ZC3HAV1: variants seen among roughly 807,000 people sequenced by gnomAD.
ZC3HAV1 encodes the protein zinc finger CCCH-type antiviral protein 1.
ZC3HAV1 carries 41 observed loss-of-function variants against 86.6 expected under a neutral mutation model. The ratio of observed to expected loss-of-function variants is 0.47; its 90% CI spans 0.37 to 0.61. ZC3HAV1 has a LOEUF of 0.61. Ranked by LOEUF, ZC3HAV1 falls within the 20% of genes least tolerant of loss-of-function variation. The pLI, the probability that ZC3HAV1 is intolerant of heterozygous loss-of-function variation, is 0.00. For synonymous variants in ZC3HAV1, 421 were observed against 432.1 expected (o/e 0.97, Z 0.32); for missense variants, 964 against 1,141.1 (o/e 0.84, Z 2.24).
In ZC3HAV1 at chr7:139,047,589, C is replaced by T. The variant is rs773346970; in HGVS notation, c.*5G>A. Reference sequence around the variant, plus strand: ...GGCATCCTTCTGACGCTGTATTCATCGGTTCTAACTAATCACGCAGGCTTT... The same window carrying T: ...GGCATCCTTCTGACGCTGTATTCATTGGTTCTAACTAATCACGCAGGCTTT... On this transcript the variant is annotated 3_prime_UTR_variant, in exon 13 of 13. Coordinates refer to ENST00000242351, the MANE Select transcript of ZC3HAV1 (RefSeq NM_020119.4). 1.9e-5 allele frequency: 30 copies of T among 1,613,754 alleles called. No individual in the cohort carries two copies. Among genetic ancestry groups the T allele is most frequent in the Non-Finnish European group, 2.5e-5 (29 of 1,179,972 alleles).
chr7:139,098,121 T>C (rs1173734322), intron 1 of ZC3HAV1, among the ~76,000 whole-genome samples: 1 of 152,030 alleles, frequency 6.6e-6, no homozygotes, highest in African/African-American at 2.4e-5. Flanking sequence ...AATTTTTTTT[T>C]GTTTTTTTAG....
In ZC3HAV1 at chr7:139,053,537, G is replaced by A. The variant is rs1215473102; in HGVS notation, c.2363C>T (p.Ala788Val). 6 of 1,603,338 alleles carry A rather than the reference G, an allele frequency of 3.7e-6. No individual in the cohort carries two copies. The highest frequency in any genetic ancestry group is 3.3e-4 in the Middle Eastern group (2 of 6,014). The change falls in exon 12 of 13, where the codon GCG becomes GTG. Residue 788 changes from alanine (A) to valine (V), a missense_variant. Coordinates refer to ENST00000242351, the MANE Select transcript of ZC3HAV1 (RefSeq NM_020119.4). Reference protein sequence around the residue: ...MKEEGKLLFYATSRAYVESIC... With the variant: ...MKEEGKLLFYVTSRAYVESIC... The stretch of plus-strand genomic sequence containing the variant: ...AGATTCCACATAGGCACGGCTTGTC[G>A]CATAAAATAGGAGTTTTCCTTCTTC...
At position 139,078,617 on chromosome 7, in the gene ZC3HAV1, C is replaced by T; in HGVS notation, c.1508G>A (p.Arg503Lys). 6.3e-7 allele frequency: 1 copy of T among 1,588,828 alleles called. No homozygotes were observed. Among genetic ancestry groups the T allele is most frequent in the Middle Eastern group, 1.7e-4 (1 of 5,988 alleles). Residue 503 changes from arginine to lysine, a missense_variant, in exon 5 of 13, where the codon AGG becomes AAG. Transcript: ENST00000242351. ...TTCCTCTGAGTCATGATCATCCACC[C>T]TAGAAGATGTGGTACTTGTGACATC... is the stretch of plus-strand genomic sequence containing the variant. ...LSDVTSTTSSRVDDHDSEEIC... is the reference protein window; with the variant it reads ...LSDVTSTTSSKVDDHDSEEIC...
intron 9 of ZC3HAV1, among the ~76,000 whole-genome samples, chr7:139,059,651 A>G (rs1309539517): frequency 3.3e-5 from 5 of 152,096 alleles, no homozygotes; most frequent in South Asian, 4.1e-4. Flanking sequence ...GGGACTTTAG[A>G]TAGCTACACC....
chr7:139,107,224 CAATG>C (rs1817962572), intron 1 of ZC3HAV1, among the ~76,000 whole-genome samples: 1 of 152,178 alleles, frequency 6.6e-6, no homozygotes, highest in Non-Finnish European at 1.5e-5. Flanking sequence ...CAGTGACCAG[CAATG>C]ACTTAGATGA....
intron 12 of ZC3HAV1, among the ~76,000 whole-genome samples, chr7:139,051,677 G>A (rs1365924917): frequency 6.6e-6 from 1 of 152,164 alleles, no homozygotes; most frequent in Admixed American, 6.5e-5. Context: ...TCCCACCTCA[G>A]CCTCCCAAAG....
chr7:139,093,738 C>T (rs1416080207), intron 1 of ZC3HAV1, among the ~76,000 whole-genome samples: 1 of 152,146 alleles, frequency 6.6e-6, no homozygotes, highest in African/African-American at 2.4e-5. Flanking sequence ...GGACTCAGCC[C>T]GCCTGCATCC....
chr7:139,109,604 G>A lies in ZC3HAV1; in HGVS notation c.-273C>T, dbSNP rs891858748. ...CTGGGTGGAAAGAAAGAGAACGCGC[G>A]GGCAAATCTGCTGGTGACCGCCTGG... is the stretch of plus-strand genomic sequence containing the variant. On this transcript the variant is annotated 5_prime_UTR_variant, in exon 1 of 13. Coordinates refer to ENST00000242351, the MANE Select transcript of ZC3HAV1 (RefSeq NM_020119.4). The A allele has an allele frequency of 3.1e-5, 12 of 392,620 alleles. No homozygotes were observed. In the Admixed American group the frequency reaches 4.1e-4, roughly 13 times the overall value. The allele number at this position is 392,620 out of a possible 1,614,324, so 24.3% of individuals were successfully genotyped here. A position where few individuals can be genotyped will look rare whatever the true frequency, so the allele number is the denominator to read the frequency against.
intron 1 of ZC3HAV1, among the ~76,000 whole-genome samples, chr7:139,097,416 A>ATTTTT (rs1368279713): frequency 1.3e-4 from 10 of 77,176 alleles, no homozygotes; most frequent in African/African-American, 3.9e-4. Flanking sequence ...ATATATATAT[A>ATTTTT]TATATATATA....
At chr7:139,057,516 T>C (rs1816319278) in intron 9 of ZC3HAV1, among the ~76,000 whole-genome samples, 1 of 151,926 alleles carries the variant, frequency 6.6e-6, no homozygotes, top group South Asian at 2.1e-4. Context: ...AAATTTTCCA[T>C]GATCAAAACA....
intron 2 of ZC3HAV1, among the ~76,000 whole-genome samples, chr7:139,087,860 C>G (rs1389122612): frequency 1.3e-5 from 2 of 151,364 alleles, no homozygotes; most frequent in Non-Finnish European, 2.9e-5. Context: ...GAGACCCTGT[C>G]CCTACTAAAA....
At chr7:139,073,314 A>C (rs1816836133) in intron 7 of ZC3HAV1, among the ~76,000 whole-genome samples, 1 of 151,968 alleles carries the variant, frequency 6.6e-6, no homozygotes, top group Non-Finnish European at 1.5e-5. Context: ...ATAAATAAAT[A>C]AATAAAAATA....
chr7:139,108,766 C>G lies in ZC3HAV1; in HGVS notation c.308+258G>C, dbSNP rs1293686356. 6.6e-6 allele frequency among the ~76,000 whole-genome samples: 1 copy of G among 152,236 alleles called. No individual in the cohort carries two copies. Among genetic ancestry groups the G allele is most frequent in the African/African-American group, 2.4e-5 (1 of 41,460 alleles). On this transcript the variant is annotated intron_variant, in intron 1 of 12. Coordinates refer to ENST00000242351, the MANE Select transcript of ZC3HAV1 (RefSeq NM_020119.4). This position sits in a 1 kb window ranked among gnomAD's most constrained non-coding sequence, Gnocchi z 4.2. ...GGCGGGGAAAGGGGTGGAGGTTGAG[C>G]CTGGTCTCCTCCAGGCACTAGCATT...
At chr7:139,065,033 G>A (rs1184583989) in intron 7 of ZC3HAV1, 34 bp from the exon 8 acceptor site, 5 of 1,612,556 alleles carry the variant, frequency 3.1e-6, no homozygotes, top group Non-Finnish European at 4.2e-6. Context: ...TAAAGTCAGG[G>A]TAGGCTTTTA....
intron 7 of ZC3HAV1, among the ~76,000 whole-genome samples, chr7:139,071,697 C>T (rs542286514): frequency 6.6e-6 from 1 of 152,228 alleles, no homozygotes; most frequent in South Asian, 2.1e-4. Context: ...CACAGAGATG[C>T]TACATGGGCC....
At chr7:139,107,787 G>T (rs1231308689) in intron 1 of ZC3HAV1, among the ~76,000 whole-genome samples, 4 of 152,172 alleles carry the variant, frequency 2.6e-5, no homozygotes, top group Non-Finnish European at 5.9e-5. Flanking sequence ...TAAAAAGTTT[G>T]CTGACAACCA....
chr7:139,071,995 T>C (rs1265312757), intron 7 of ZC3HAV1, among the ~76,000 whole-genome samples: 3 of 152,194 alleles, frequency 2.0e-5, no homozygotes, highest in African/African-American at 7.2e-5. Context: ...AACAGAGTAG[T>C]GCCTCTCCCA....
chr7:139,100,758 C>CTCCCTCTCCCCACGGTCTCCCTG (rs1817727792), intron 1 of ZC3HAV1, among the ~76,000 whole-genome samples: 3 of 135,832 alleles, frequency 2.2e-5, no homozygotes, highest in African/African-American at 9.0e-5. Flanking sequence ...AAATTCCACT[C>CTCCCTCTCCCCACGGTCTCCCTG]TCCCTCTCTT....
chr7:139,070,963 C>T (rs1190650445), intron 7 of ZC3HAV1, among the ~76,000 whole-genome samples: 2 of 150,270 alleles, frequency 1.3e-5, no homozygotes, highest in African/African-American at 2.4e-5. Context: ...GCCTGGGTAA[C>T]AAGAGCAAAA....
Sources: gnomAD v4.1 joint callset for allele counts (sites outside exome capture counted in the v4.1 genomes callset) on GRCh38, gnomAD v4.1.1 for gene constraint, Gnocchi (gnomAD v3.1) non-coding constraint, MANE v1.5 for transcripts, NCBI Gene and HGNC (gene_info 2026-07-23, HGNC 2026-07-21) for gene names.